ZC2HC1B: variants seen among roughly 807,000 people sequenced by gnomAD.
The protein encoded by ZC2HC1B is zinc finger C2HC domain-containing protein 1B.
In ZC2HC1B, 36 loss-of-function variants were observed where a neutral mutation model predicts 31.0. The ratio of observed to expected loss-of-function variants is 1.16; its 90% CI spans 0.89 to 1.54. The LOEUF (loss-of-function observed/expected upper bound fraction) is 1.54. Ranked by LOEUF, ZC2HC1B falls within the 40% of genes most tolerant of loss-of-function variation. ZC2HC1B has a pLI of 0.00. For missense variants in ZC2HC1B, 260 were observed against 268.6 expected, an observed-to-expected ratio of 0.97 and a Z score of 0.22; for synonymous variants, 73 against 88.0, an observed-to-expected ratio of 0.83 and a Z score of 0.95.
Position 143,895,588 on chromosome 6 carries a change from G to T in ZC2HC1B, c.350-2964G>T, listed in dbSNP as rs577310649. On this transcript the variant is annotated intron_variant, in intron 4 of 7. Transcript: ENST00000237275. The surrounding 1 kb of genome is among the most constrained non-coding windows in gnomAD (Gnocchi z 4.8). Reference sequence around the variant, plus strand: ...CCTATTTTCATGATTCAGTTTTTGAGACATGCCTATATTCTACTTTTTAGT... The same window carrying T: ...CCTATTTTCATGATTCAGTTTTTGATACATGCCTATATTCTACTTTTTAGT... 6.6e-6 allele frequency among the ~76,000 whole-genome samples: 1 copy of T among 152,192 alleles called. No individual in the cohort carries two copies. Among genetic ancestry groups the T allele is most frequent in the South Asian group, 2.1e-4 (1 of 4,824 alleles).
intron 6 of ZC2HC1B, among the ~76,000 whole-genome samples, chr6:143,910,200 G>C (rs1562344875): frequency 2.0e-5 from 3 of 152,168 alleles, no homozygotes. Context: ...GTAGTGTTCA[G>C]TTTCCATGTA....
chr6:143,909,689 A>G (rs9484828), intron 6 of ZC2HC1B, among the ~76,000 whole-genome samples: 6,538 of 151,832 alleles, frequency 0.043, 349 homozygotes, highest in African/African-American at 0.12. Flanking sequence ...TTTCTAGTGT[A>G]TGTGCATAGG....
chr6:143,877,305 A>ATTTTTTTTT (rs1777420106), intron 1 of ZC2HC1B, among the ~76,000 whole-genome samples: 1 of 58,184 alleles, frequency 1.7e-5, no homozygotes, highest in Non-Finnish European at 3.1e-5. Flanking sequence ...TTTTTGAGAC[A>ATTTTTTTTT]GAGTTTTGCT....
At chr6:143,897,949 ATTCAT>A (rs1451740037) in intron 4 of ZC2HC1B, among the ~76,000 whole-genome samples, 1 of 152,310 alleles carries the variant, frequency 6.6e-6, no homozygotes, top group South Asian at 2.1e-4. Flanking sequence ...TTACTAAATA[ATTCAT>A]TTCATTGAGA....
Position 143,933,380 on chromosome 6 carries a change from A to G in ZC2HC1B, c.599-4269A>G, listed in dbSNP as rs563107198. Among the ~76,000 whole-genome samples the G allele has an allele frequency of 6.6e-6, 1 of 152,244 alleles. No individual in the cohort carries two copies. The highest frequency in any genetic ancestry group is 1.9e-4 in the East Asian group (1 of 5,176). ...GACAAGTATTCAGGCTTCTCAGGTG[A>G]TGGATGGGATCATAAAGCTCCCAAG... is the stretch of plus-strand genomic sequence containing the variant. On this transcript the variant is annotated intron_variant, in intron 6 of 7. Transcript: ENST00000237275. The surrounding 1 kb of genome is among the most constrained non-coding windows in gnomAD (Gnocchi z 6.4).
chr6:143,867,016 G>A (rs1016960895), intron 1 of ZC2HC1B, among the ~76,000 whole-genome samples: 7 of 152,078 alleles, frequency 4.6e-5, no homozygotes, highest in East Asian at 1.9e-4. Flanking sequence ...AGAAAATACC[G>A]TGTATAAGTA....
intron 1 of ZC2HC1B, among the ~76,000 whole-genome samples, chr6:143,876,637 A>G (rs1316807829): frequency 1.3e-5 from 2 of 150,274 alleles, no homozygotes; most frequent in Non-Finnish European, 3.0e-5. Context: ...AGGGGAATAT[A>G]TATATAAAGG....
At chr6:143,928,335 T>C (rs180977469) in intron 6 of ZC2HC1B, among the ~76,000 whole-genome samples, 1 of 152,302 alleles carries the variant, frequency 6.6e-6, no homozygotes, top group East Asian at 1.9e-4. Flanking sequence ...CATGTGGCTA[T>C]ACAATTTTCC....
chr6:143,905,441 C>T lies in ZC2HC1B; in HGVS notation c.598+2289C>T, dbSNP rs1345900973. ...ACTTTGCTGAATTAATTTATTGCTT[C>T]TAATAAGTTTTTTGGTGATATCTTT... is the stretch of plus-strand genomic sequence containing the variant. On this transcript the variant is annotated intron_variant, in intron 6 of 7. Coordinates refer to ENST00000237275, the MANE Select transcript of ZC2HC1B (RefSeq NM_001013623.3). The surrounding 1 kb of genome is among the most constrained non-coding windows in gnomAD (Gnocchi z 4.2). Among the ~76,000 whole-genome samples the T allele has an allele frequency of 6.6e-6, 1 of 152,120 alleles. No homozygotes were observed. The highest frequency in any genetic ancestry group is 1.5e-5 in the Non-Finnish European group (1 of 68,022).
At position 143,865,549 on chromosome 6, in the gene ZC2HC1B, C is replaced by T. The variant is rs951725350; in HGVS notation, c.28+982C>T. Among the ~76,000 whole-genome samples, 4 of 152,176 alleles carry T rather than the reference C, an allele frequency of 2.6e-5. No individual in the cohort carries two copies. The highest frequency in any genetic ancestry group is 4.8e-5 in the African/African-American group (2 of 41,438). On this transcript the variant is annotated intron_variant, in intron 1 of 7. Coordinates refer to ENST00000237275, the MANE Select transcript of ZC2HC1B (RefSeq NM_001013623.3). The surrounding 1 kb of genome is among the most constrained non-coding windows in gnomAD (Gnocchi z 4.4). ...TTATGTTCTCCACAACATCTGTTGA[C>T]GCAGAGGACTGTTTTTCAGTCTCCT... is the stretch of plus-strand genomic sequence containing the variant.
chr6:143,931,240 G>A (rs774270431), intron 6 of ZC2HC1B, among the ~76,000 whole-genome samples: 2 of 152,002 alleles, frequency 1.3e-5, no homozygotes, highest in African/African-American at 4.8e-5. Context: ...ATACTTCATC[G>A]GTGGATTTTT....
chr6:143,926,200 G>A (rs1778039700), intron 6 of ZC2HC1B, among the ~76,000 whole-genome samples: 1 of 151,946 alleles, frequency 6.6e-6, no homozygotes, highest in Non-Finnish European at 1.5e-5. Context: ...TAGTTATTGA[G>A]GGGGCATCCT....
chr6:143,894,803 A>G (rs1356362652), intron 4 of ZC2HC1B, among the ~76,000 whole-genome samples: 3 of 152,194 alleles, frequency 2.0e-5, no homozygotes, highest in Non-Finnish European at 2.9e-5. Context: ...TGGTTCTTTA[A>G]TTGAATAAGT....
chr6:143,937,647 A>G lies in ZC2HC1B; in HGVS notation c.599-2A>G. On this transcript the variant is annotated splice_acceptor_variant, in intron 6 of 7. Transcript: ENST00000237275. LOFTEE classifies it high-confidence loss of function. The stretch of plus-strand genomic sequence containing the variant: ...ATAACAAATCTGTTTATGTTTGCAA[A>G]GGATTAGCTATGGACCCTGCTTCTG... 1 of 1,543,740 alleles carries G rather than the reference A, an allele frequency of 6.5e-7. No individual in the cohort carries two copies. The highest frequency in any genetic ancestry group is 8.7e-7 in the Non-Finnish European group (1 of 1,144,684).
chr6:143,907,526 G>A (rs1406562349), intron 6 of ZC2HC1B, among the ~76,000 whole-genome samples: 1 of 152,144 alleles, frequency 6.6e-6, no homozygotes, highest in African/African-American at 2.4e-5. Context: ...TTTCTCTAAT[G>A]TTCAGTGATG....
intron 6 of ZC2HC1B, among the ~76,000 whole-genome samples, chr6:143,925,165 CTTTT>C (rs71024879): frequency 7.9e-4 from 82 of 104,096 alleles, no homozygotes; most frequent in Non-Finnish European, 1.3e-3. Flanking sequence ...AATCTCATTC[CTTTT>C]TTTTTTTTTT....
At chr6:143,916,463 A>T (rs958396569) in intron 6 of ZC2HC1B, among the ~76,000 whole-genome samples, 2 of 152,172 alleles carry the variant, frequency 1.3e-5, no homozygotes, top group Non-Finnish European at 2.9e-5. Context: ...GAGCTGTGAG[A>T]AGAGGGCTGG....
At position 143,917,642 on chromosome 6, in the gene ZC2HC1B, C is replaced by T. The variant is rs960015655; in HGVS notation, c.598+14490C>T. Among the ~76,000 whole-genome samples the T allele has an allele frequency of 6.6e-6, 1 of 152,292 alleles. No individual in the cohort carries two copies. Among genetic ancestry groups the T allele is most frequent in the African/African-American group, 2.4e-5 (1 of 41,566 alleles). On this transcript the variant is annotated intron_variant, in intron 6 of 7. Coordinates refer to ENST00000237275, the MANE Select transcript of ZC2HC1B (RefSeq NM_001013623.3). The surrounding 1 kb of genome is among the most constrained non-coding windows in gnomAD (Gnocchi z 4.1). ...AAATCTGAAATCTAAAATGCTCCAA[C>T]ATCTGAAACTTTTTGAGCACTGACA...
At chr6:143,879,029 A>C (rs1777438541) in intron 1 of ZC2HC1B, among the ~76,000 whole-genome samples, 2 of 152,164 alleles carry the variant, frequency 1.3e-5, no homozygotes, top group Admixed American at 1.3e-4. Context: ...GGTTGGGGGC[A>C]GGGCGCGATC....
Sources: allele counts gnomAD v4.1 joint callset (sites outside exome capture counted in the v4.1 genomes callset), GRCh38; gene constraint gnomAD v4.1.1; non-coding constraint Gnocchi (gnomAD v3.1); transcripts MANE v1.5; gene names NCBI Gene and HGNC (gene_info 2026-07-23, HGNC 2026-07-21).